TBCD: variants seen among roughly 807,000 people sequenced by gnomAD.
TBCD encodes tubulin-specific chaperone D.
In TBCD, 105 loss-of-function variants were observed where a neutral mutation model predicts 169.3. That is an observed-to-expected ratio of 0.62 (90% CI 0.53 to 0.73). The LOEUF is 0.73. Ranked by LOEUF, TBCD falls within the 30% of genes least tolerant of loss-of-function variation. TBCD has a pLI of 0.00. For synonymous variants in TBCD, 700 were observed against 643.9 expected (o/e 1.09, Z -1.32); for missense variants, 1,444 against 1,600.1 (o/e 0.90, Z 1.66).
chr17:82,773,685 A>G (rs1455602384), intron 6 of TBCD, among the ~76,000 whole-genome samples: 1 of 151,476 alleles, frequency 6.6e-6, no homozygotes, highest in Non-Finnish European at 1.5e-5. Context: ...GTCTTCTTCC[A>G]AAACGAGATG....
At chr17:82,893,676 C>T (rs764813883) in intron 17 of TBCD, 44 bp downstream of exon 17, 6 of 1,390,682 alleles carry the variant, frequency 4.3e-6, no homozygotes, top group Non-Finnish European at 4.9e-6. Context: ...ACTCTAAAAT[C>T]AGATTGGATG....
chr17:82,775,741 TG>T (rs1457278622), intron 6 of TBCD, among the ~76,000 whole-genome samples: 7 of 66,196 alleles, frequency 1.1e-4, no homozygotes, highest in African/African-American at 4.6e-4. Flanking sequence ...GGGACTGTTG[TG>T]GGGTGGGGGG....
intron 29 of TBCD, 70 bp downstream of exon 29, chr17:82,927,393 C>G (rs993560118): frequency 2.6e-6 from 4 of 1,536,000 alleles, no homozygotes; most frequent in Non-Finnish European, 3.5e-6. Context: ...TCGGAGGCCC[C>G]GGGCTTTTCT....
intron 13 of TBCD, 22 bp downstream of exon 13, chr17:82,814,956 AG>A (rs1568178251): frequency 6.2e-7 from 1 of 1,609,912 alleles, no homozygotes; most frequent in Non-Finnish European, 8.5e-7. Flanking sequence ...AGGCACGGTC[AG>A]GGGGGATGTC....
intron 11 of TBCD, 74 bp from the exon 12 acceptor site, chr17:82,809,634 A>T: frequency 6.7e-7 from 1 of 1,490,470 alleles, no homozygotes; most frequent in Non-Finnish European, 9.2e-7. Flanking sequence ...TGTTCAGGCC[A>T]TTCACACGTG....
At chr17:82,780,313 T>G (rs1399322701) in intron 6 of TBCD, among the ~76,000 whole-genome samples, 3 of 152,114 alleles carry the variant, frequency 2.0e-5, no homozygotes, top group Admixed American at 6.5e-5. Flanking sequence ...TTCTTTGCAC[T>G]GTGGAAGTCC....
chr17:82,753,606 G>A (rs1291296243), intron 1 of TBCD, among the ~76,000 whole-genome samples: 1 of 151,462 alleles, frequency 6.6e-6, no homozygotes, highest in East Asian at 1.9e-4. Context: ...ACAGGCGCGC[G>A]CCACCACGCC....
In TBCD at chr17:82,926,392, C is replaced by T; in HGVS notation, c.2380-8C>T. The T allele has an allele frequency of 1.2e-6, 2 of 1,613,490 alleles. No individual in the cohort carries two copies. Among genetic ancestry groups the T allele is most frequent in the Non-Finnish European group, 1.7e-6 (2 of 1,179,410 alleles). On this transcript the variant is annotated splice_region_variant and splice_polypyrimidine_tract_variant and intron_variant, in intron 27 of 38. Coordinates refer to ENST00000355528, the MANE Select transcript of TBCD (RefSeq NM_005993.5). ...ATGGTTCTTCTGTGATTCTTTATTG[C>T]TTTCCAGGTTCTCACAGGTTTAAGA...
chr17:82,804,315 C>T lies in TBCD; in HGVS notation c.951-1560C>T, dbSNP rs1182465066. Among the ~76,000 whole-genome samples, 3 of 152,176 alleles carry T rather than the reference C, an allele frequency of 2.0e-5. No individual in the cohort carries two copies. In the East Asian group the frequency reaches 5.8e-4, roughly 29 times the overall value. On this transcript the variant is annotated intron_variant, in intron 9 of 38. Coordinates refer to ENST00000355528, the MANE Select transcript of TBCD (RefSeq NM_005993.5). The stretch of plus-strand genomic sequence containing the variant: ...GTACCCCGAAATTTAGCAGCTTAAA[C>T]AGTGCACTTTTTCCTCACAGTTTTG...
In TBCD at chr17:82,880,578, G is replaced by A. The variant is rs1567946684; in HGVS notation, c.1476-3567G>A. On this transcript the variant is annotated intron_variant, in intron 14 of 38. Transcript: ENST00000355528. This position sits in a 1 kb window ranked among gnomAD's most constrained non-coding sequence, Gnocchi z 5.0. ...GAAAGACCTGGGTGTGCTGCTGGAT[G>A]CCCCAAGGATCTGGCAGGAGGAGGC... Among the ~76,000 whole-genome samples the A allele has an allele frequency of 6.6e-6, 1 of 152,234 alleles. No homozygotes were observed. The highest frequency in any genetic ancestry group is 6.5e-5 in the Admixed American group (1 of 15,290).
intron 13 of TBCD, among the ~76,000 whole-genome samples, chr17:82,869,106 T>A (rs1328576314): frequency 1.3e-5 from 2 of 152,168 alleles, no homozygotes; most frequent in African/African-American, 4.8e-5. Flanking sequence ...GGTTGGAGGC[T>A]TGGGTGCTCC....
intron 20 of TBCD, 102 bp from the exon 21 acceptor site, chr17:82,907,659 T>C (rs540128809): frequency 1.6e-6 from 2 of 1,279,118 alleles, no homozygotes; most frequent in African/African-American, 1.5e-5. Context: ...CGAGTGTACT[T>C]GGGGTTAGGG....
At chr17:82,891,603 G>A (rs746861133) in intron 16 of TBCD, among the ~76,000 whole-genome samples, 7 of 152,308 alleles carry the variant, frequency 4.6e-5, no homozygotes, top group East Asian at 1.9e-4. Context: ...TGGACGTGTC[G>A]CATAGCACAC....
chr17:82,788,935 A>G (rs916459096), intron 7 of TBCD, among the ~76,000 whole-genome samples: 4 of 152,202 alleles, frequency 2.6e-5, no homozygotes, highest in South Asian at 4.1e-4. Flanking sequence ...AAGACAGCTG[A>G]TTATCTAAAA....
Position 82,800,667 on chromosome 17 carries a change from A to T in TBCD, c.818-197A>T, listed in dbSNP as rs570691261. 3.4e-4 allele frequency among the ~76,000 whole-genome samples: 52 copies of T among 151,904 alleles called. No individual in the cohort carries two copies. The highest frequency in any genetic ancestry group is 1.2e-3 in the African/African-American group (51 of 41,396). ...GTACTTGCTCTCCTGACCTCCACTG[A>T]TGTTGCTTCACAGCAAGGAAGTCGA... On this transcript the variant is annotated intron_variant, in intron 8 of 38. Coordinates refer to ENST00000355528, the MANE Select transcript of TBCD (RefSeq NM_005993.5).
intron 13 of TBCD, among the ~76,000 whole-genome samples, chr17:82,858,148 A>G (rs1284111730): frequency 6.6e-6 from 1 of 152,158 alleles, no homozygotes; most frequent in Non-Finnish European, 1.5e-5. Context: ...TCCTGGGCTC[A>G]AGTGATCCTC....
In TBCD at chr17:82,884,078, T is replaced by C; in HGVS notation, c.1476-67T>C. 1 of 1,465,634 alleles carries C rather than the reference T, an allele frequency of 6.8e-7. No individual in the cohort carries two copies. The highest frequency in any genetic ancestry group is 9.4e-7 in the Non-Finnish European group (1 of 1,068,988). The allele number at this position is 1,465,634 out of a possible 1,614,324, so 90.8% of individuals were successfully genotyped here. On this transcript the variant is annotated intron_variant, in intron 14 of 38. Coordinates refer to ENST00000355528, the MANE Select transcript of TBCD (RefSeq NM_005993.5). This position sits in a 1 kb window ranked among gnomAD's most constrained non-coding sequence, Gnocchi z 4.2. Reference sequence around the variant, plus strand: ...GAGTCGTGAGAGAAAGGCTTTCTCATCGATACTGTGTGGTCTGTACTGTTT... The same window carrying C: ...GAGTCGTGAGAGAAAGGCTTTCTCACCGATACTGTGTGGTCTGTACTGTTT...
chr17:82,777,564 C>G (rs1056192027), intron 6 of TBCD, among the ~76,000 whole-genome samples: 1 of 152,216 alleles, frequency 6.6e-6, no homozygotes, highest in Non-Finnish European at 1.5e-5. Context: ...GGGGGCCCTT[C>G]CCTGCCTGGC....
Position 82,806,115 on chromosome 17 carries a change from T to TC in TBCD, c.1087+105dup. 1 of 1,473,818 alleles carries TC rather than the reference T, an allele frequency of 6.8e-7. No homozygotes were observed. The highest frequency in any genetic ancestry group is 9.2e-7 in the Non-Finnish European group (1 of 1,092,748). The allele number at this position is 1,473,818 out of a possible 1,614,324, so 91.3% of individuals were successfully genotyped here. A position where few individuals can be genotyped will look rare whatever the true frequency, so the allele number is the denominator to read the frequency against. On this transcript the variant is annotated intron_variant, in intron 10 of 38. Transcript: ENST00000355528. This position sits in a 1 kb window ranked among gnomAD's most constrained non-coding sequence, Gnocchi z 5.1. The stretch of plus-strand genomic sequence containing the variant: ...TTCTTCCTTGCTGGTGCCGGCACTG[T>TC]CTGGCCACCCGTCCCCTTCGCTGAG...
Sources: gnomAD v4.1 joint callset for allele counts (sites outside exome capture counted in the v4.1 genomes callset) on GRCh38, gnomAD v4.1.1 for gene constraint, Gnocchi (gnomAD v3.1) non-coding constraint, MANE v1.5 for transcripts, NCBI Gene and HGNC (gene_info 2026-07-23, HGNC 2026-07-21) for gene names.